The following TNK2 variants were observed in gnomAD, a reference collection of about 807,000 sequenced individuals.
TNK2 encodes activated CDC42 kinase 1.
A neutral mutation model predicts 101.8 loss-of-function variants in TNK2; 83 were observed. That is an observed-to-expected ratio of 0.82 (90% CI 0.68 to 0.98). The LOEUF (loss-of-function observed/expected upper bound fraction) is 0.98. Among genes scored for constraint, TNK2 ranks in the 50% least tolerant of loss-of-function variants. The pLI is 0.00. For missense variants in TNK2, 1,665 were observed against 1,483.2 expected (o/e 1.12, Z -2.01); for synonymous variants, 804 against 633.0 (o/e 1.27, Z -4.06).
intron 11 of TNK2, 162 bp from the exon 12 acceptor site, chr3:195,869,703 C>T (rs191683167): frequency 9.3e-5 from 69 of 739,200 alleles, no homozygotes; most frequent in Non-Finnish European, 1.3e-4. Flanking sequence ...AGGCCGCAGG[C>T]GGCAGGATGA....
chr3:195,892,839 C>T (rs1759153445), intron 1 of TNK2: 3 of 799,262 alleles, frequency 3.8e-6, no homozygotes, highest in South Asian at 4.6e-5. Flanking sequence ...TCTCTCCCTC[C>T]CTCCCCAGCT....
rs185977458 is a variant in TNK2, at chr3:195,885,530, G to A, written c.235-497C>T. 101 of 1,292,624 alleles carry A rather than the reference G, an allele frequency of 7.8e-5. No homozygotes were observed. The highest frequency in any genetic ancestry group is 2.1e-4 in the Middle Eastern group (1 of 4,706). The allele number at this position is 1,292,624 out of a possible 1,614,324, so 80.1% of individuals were successfully genotyped here. A position where few individuals can be genotyped will look rare whatever the true frequency, so the allele number is the denominator to read the frequency against. On this transcript the variant is annotated intron_variant, in intron 3 of 15. Transcript: ENST00000672887. This position sits in a 1 kb window ranked among gnomAD's most constrained non-coding sequence, Gnocchi z 4.7. ...CTGTCTCCACCCTCACCAGGGAGTC[G>A]GCTGCCCTTCATCCTGCCCAGGGGA... is the stretch of plus-strand genomic sequence containing the variant.
chr3:195,892,515 A>C, intron 1 of TNK2: 1 of 1,533,620 alleles, frequency 6.5e-7, no homozygotes, highest in South Asian at 1.2e-5. Context: ...CCCCCCGAGC[A>C]GTCACTGGGG....
rs373074503 is a variant in TNK2 at position 195,885,862 on chromosome 3, C to T, written c.235-829G>A. The T allele has an allele frequency of 7.8e-4, 251 of 321,080 alleles. No homozygotes were observed. Among genetic ancestry groups the T allele is most frequent in the African/African-American group, 4.3e-3 (197 of 46,056 alleles). The allele number at this position is 321,080 out of a possible 1,614,324, so 19.9% of individuals were successfully genotyped here. On this transcript the variant is annotated intron_variant, in intron 3 of 15. Coordinates refer to ENST00000672887, the MANE Select transcript of TNK2 (RefSeq NM_001382273.1). The surrounding 1 kb of genome is among the most constrained non-coding windows in gnomAD (Gnocchi z 4.7). ...CAGATTCTTGCCAGCTTGGGTCTCA[C>T]GCCCCCAGAGCTGGTGGATCCTTAT... is the stretch of plus-strand genomic sequence containing the variant.
rs1480166810 is a variant in TNK2 at position 195,866,893 on chromosome 3, G to C, written c.3157C>G (p.His1053Asp). ...HLLGSWGPAH[H>D]KR ...CAGACTGTGGGGCTCACTCACTTGTGGTGGGCAGGGCCCCAGGAGCCCAGA... is the reference window on the plus strand; with the variant it reads ...CAGACTGTGGGGCTCACTCACTTGTCGTGGGCAGGGCCCCAGGAGCCCAGA... Residue 1053 changes from histidine to aspartate, a missense_variant, in exon 15 of 16, where the codon CAC becomes GAC. Physicochemically the swap from His to Asp is moderately conservative, Grantham distance 81 (BLOSUM62 -1). Transcript: ENST00000672887. The C allele has an allele frequency of 6.2e-7, 1 of 1,610,384 alleles. No individual in the cohort carries two copies. Among genetic ancestry groups the C allele is most frequent in the Admixed American group, 1.7e-5 (1 of 59,648 alleles).
intron 1 of TNK2, among the ~76,000 whole-genome samples, chr3:195,901,136 T>G (rs931074641): frequency 2.6e-5 from 4 of 152,090 alleles, no homozygotes; most frequent in African/African-American, 7.2e-5. Context: ...AAATGTCCGG[T>G]GCTTCAAGAC....
At chr3:195,902,329 C>A (rs993034786) in intron 1 of TNK2, among the ~76,000 whole-genome samples, 1 of 152,100 alleles carries the variant, frequency 6.6e-6, no homozygotes, top group Admixed American at 6.6e-5. Context: ...ATTTAAGAGA[C>A]AGTAAGGGCC....
In TNK2 at chr3:195,874,113, C is replaced by T. The variant is rs568097440; in HGVS notation, c.1257-1643G>A. Among the ~76,000 whole-genome samples, 238 of 152,356 alleles carry T rather than the reference C, an allele frequency of 1.6e-3. 2 individuals are homozygous for T. The highest frequency in any genetic ancestry group is 5.1e-3 in the African/African-American group (213 of 41,596). ...CACCGGCTGGGCTGCGGCTCTCCCGCTACACCCACGGGCTCCCCGGTGGCT... is the reference window on the plus strand; with the variant it reads ...CACCGGCTGGGCTGCGGCTCTCCCGTTACACCCACGGGCTCCCCGGTGGCT... On this transcript the variant is annotated intron_variant, in intron 9 of 15. Transcript: ENST00000672887.
intron 12 of TNK2, 47 bp downstream of exon 12, chr3:195,869,450 G>C: frequency 1.3e-6 from 2 of 1,542,452 alleles, no homozygotes; most frequent in Non-Finnish European, 8.8e-7. Flanking sequence ...GAGTGAGAGA[G>C]AGGGGGCGGG....
intron 1 of TNK2, among the ~76,000 whole-genome samples, chr3:195,895,024 C>G (rs142882209): frequency 6.6e-6 from 1 of 152,332 alleles, no homozygotes; most frequent in Non-Finnish European, 1.5e-5. Context: ...CAACGGGCAG[C>G]TTTTTGGGGT....
chr3:195,868,727 A>T lies in TNK2; in HGVS notation c.1589-18T>A. 6.5e-7 allele frequency: 1 copy of T among 1,531,008 alleles called. No homozygotes were observed. Among genetic ancestry groups the T allele is most frequent in the Non-Finnish European group, 8.7e-7 (1 of 1,148,426 alleles). The allele number at this position is 1,531,008 out of a possible 1,614,324, so 94.8% of individuals were successfully genotyped here. ...GGTTGGTTCTGTGATGGAAAGGGAG[A>T]GCCCAACAGGAAGGCAGTCAGGCAG... On this transcript the variant is annotated intron_variant, in intron 12 of 15. Transcript: ENST00000672887.
chr3:195,868,930 G>A (rs1025613465), intron 12 of TNK2: 4 of 569,036 alleles, frequency 7.0e-6, no homozygotes, highest in Non-Finnish European at 1.2e-5. Flanking sequence ...CCCCATGTGG[G>A]CCGGTGAGCC....
rs1746039884 is a variant in TNK2 at position 195,872,355 on chromosome 3, G to C, written c.1372C>G (p.Leu458Val). ...GLSAQDISQP[L>V]QNSFIHTGHG... ...CCTGTGTGGATGAAGCTGTTCTGCA[G>C]GGGCTGGCTGATGTCCTGGGCCGAC... The change falls in exon 10 of 16, where the codon CTG (leucine) becomes GTG (valine). Residue 458 changes from leucine to valine, a missense_variant. Physicochemically the swap from Leu to Val is conservative, Grantham distance 32 (BLOSUM62 1). Coordinates refer to ENST00000672887, the MANE Select transcript of TNK2 (RefSeq NM_001382273.1). 6.2e-7 allele frequency: 1 copy of C among 1,613,426 alleles called. No individual in the cohort carries two copies. The highest frequency in any genetic ancestry group is 1.7e-5 in the Admixed American group (1 of 60,014).
rs190103989 is a variant in TNK2, at chr3:195,896,549, G to A, written c.-18-7943C>T. Reference sequence around the variant, plus strand: ...AGCTAAAGGCACATACTAGTCTTGGGAGTAGCTGCAAAGCCGGGAGACTGT... The same window carrying A: ...AGCTAAAGGCACATACTAGTCTTGGAAGTAGCTGCAAAGCCGGGAGACTGT... On this transcript the variant is annotated intron_variant, in intron 1 of 15. Coordinates refer to ENST00000672887, the MANE Select transcript of TNK2 (RefSeq NM_001382273.1). Among the ~76,000 whole-genome samples, 84 of 152,196 alleles carry A rather than the reference G, an allele frequency of 5.5e-4. 1 individual carries two copies. The highest frequency in any genetic ancestry group is 9.8e-4 in the Non-Finnish European group (67 of 68,040).
rs989957536 is a variant in TNK2 at position 195,906,298 on chromosome 3, T to C, written c.-19+2187A>G. On this transcript the variant is annotated intron_variant, in intron 1 of 15. Transcript: ENST00000672887. ...AAAGGTTAAATGTGTACCTACCACA[T>C]GACCCAGCCATTCCGGTCCTAGGGA... Among the ~76,000 whole-genome samples the C allele has an allele frequency of 2.0e-5, 3 of 152,328 alleles. No individual in the cohort carries two copies. The East Asian group carries it at 5.8e-4, about 29-fold the overall frequency.
intron 1 of TNK2, chr3:195,892,526 A>C (rs1758987488): frequency 6.5e-7 from 1 of 1,531,662 alleles, no homozygotes; most frequent in Admixed American, 2.0e-5. Flanking sequence ...GTCACTGGGG[A>C]TCCAGTGGCC....
Position 195,868,267 on chromosome 3 carries a change from C to G in TNK2, c.2031G>C (p.Gly677=). The G allele has an allele frequency of 6.2e-7, 1 of 1,604,422 alleles. No individual in the cohort carries two copies. Among genetic ancestry groups the G allele is most frequent in the Non-Finnish European group, 8.5e-7 (1 of 1,179,530 alleles). ...STLVGAGVPA[G]PSQGQTNYAF... is the part of the protein sequence containing the mutation. ...CGTAGTTGGTCTGGCCCTGGCTGGG[C>G]CCGGCAGGGACCCCCGCGCCCACGA... The change falls in exon 13 of 16, where the codon GGG becomes GGC. Residue 677 remains glycine, a synonymous_variant. Coordinates refer to ENST00000672887, the MANE Select transcript of TNK2 (RefSeq NM_001382273.1).
At chr3:195,883,981 C>T (rs1013942354) in intron 4 of TNK2, 3 of 152,498 alleles carry the variant, frequency 2.0e-5, no homozygotes, top group East Asian at 1.9e-4. Flanking sequence ...GGGAGAAGGA[C>T]GCACTGAGTG....
intron 1 of TNK2, among the ~76,000 whole-genome samples, chr3:195,893,158 G>A (rs1190978719): frequency 1.3e-5 from 2 of 151,974 alleles, no homozygotes; most frequent in South Asian, 2.1e-4. Flanking sequence ...AGGCTCCGCT[G>A]GGCCCTGCGA....
Sources: gnomAD v4.1 joint callset for allele counts (sites outside exome capture counted in the v4.1 genomes callset) on GRCh38, gnomAD v4.1.1 for gene constraint, Gnocchi (gnomAD v3.1) non-coding constraint, MANE v1.5 for transcripts, NCBI Gene and HGNC (gene_info 2026-07-23, HGNC 2026-07-21) for gene names.